Variants in RABGEF1 observed in about 807,000 individuals in gnomAD.
RABGEF1 encodes RAB guanine nucleotide exchange factor 1.
RABGEF1 carries 26 observed loss-of-function variants against 57.3 expected under a neutral mutation model. That is an observed-to-expected ratio of 0.45 (90% CI 0.33 to 0.63). The LOEUF is 0.63. Ranked by LOEUF, RABGEF1 falls within the 20% of genes least tolerant of loss-of-function variation. RABGEF1 has a pLI of 0.02. For missense variants in RABGEF1, 464 were observed against 607.6 expected (o/e 0.76, Z 2.48); for synonymous variants, 185 against 210.7 (o/e 0.88, Z 1.06).
chr7:66,805,079 C>T (rs189348611), intron 7 of RABGEF1, 61 bp from the exon 8 acceptor site: 11 of 1,504,496 alleles, frequency 7.3e-6, no homozygotes, highest in Non-Finnish European at 1.0e-5. Flanking sequence ...ACATGATTTT[C>T]CTATTGCTTC....
chr7:66,796,912 G>T, intron 5 of RABGEF1: 2 of 445,074 alleles, frequency 4.5e-6, no homozygotes, highest in South Asian at 1.6e-5. Context: ...TTTTTTAAGC[G>T]TATTTTTAAA....
intron 2 of RABGEF1, among the ~76,000 whole-genome samples, chr7:66,725,619 G>C (rs1796501255): frequency 1.3e-5 from 2 of 152,216 alleles, no homozygotes; most frequent in South Asian, 4.2e-4. Context: ...TTCCATCCAT[G>C]GCAATTTTAT....
the RABGEF1 span, among the ~76,000 whole-genome samples, chr7:66,657,646 G>T: frequency 6.6e-6 from 1 of 152,022 alleles, no homozygotes; most frequent in Admixed American, 6.6e-5. Context: ...CATGGCAAAA[G>T]CCCATCGCTA....
intron 4 of RABGEF1, among the ~76,000 whole-genome samples, chr7:66,789,991 A>T (rs1294615534): frequency 6.6e-6 from 1 of 152,218 alleles, no homozygotes; most frequent in Admixed American, 6.5e-5. Flanking sequence ...CAAGATACTC[A>T]TGGAAGAAGT....
chr7:66,660,359 A>G, the RABGEF1 span, among the ~76,000 whole-genome samples: 1 of 151,750 alleles, frequency 6.6e-6, no homozygotes, highest in African/African-American at 2.4e-5. Context: ...AAAAAAAAAA[A>G]AAGAAAGAAA....
At chr7:66,733,694 T>C (rs1188403869) in intron 2 of RABGEF1, among the ~76,000 whole-genome samples, 1 of 108,846 alleles carries the variant, frequency 9.2e-6, no homozygotes, top group Non-Finnish European at 2.1e-5. Context: ...TGAGGCTCCA[T>C]CTCAACAAAA....
chr7:66,770,162 G>A (rs1806741250), intron 1 of RABGEF1, among the ~76,000 whole-genome samples: 1 of 152,164 alleles, frequency 6.6e-6, no homozygotes, highest in South Asian at 2.1e-4. Context: ...TGCATCACCA[G>A]TGCCATCTAG....
rs186536007 is a variant in RABGEF1 at position 66,763,546 on chromosome 7, A to G, written c.-17-8337A>G. ...TTTATTGAGGTATAATTCACATACC[A>G]TAGAATTCTCCCTTTTGAAGTGCAC... On this transcript the variant is annotated intron_variant, in intron 1 of 8. Transcript: ENST00000284957. Among the ~76,000 whole-genome samples, 229 of 152,360 alleles carry G rather than the reference A, an allele frequency of 1.5e-3. 1 individual carries two copies. Among genetic ancestry groups the G allele is most frequent in the Middle Eastern group, 3.4e-3 (1 of 294 alleles).
intron 4 of RABGEF1, 39 bp from the exon 5 acceptor site, chr7:66,795,472 T>G (rs776550837): frequency 1.3e-6 from 2 of 1,520,256 alleles, no homozygotes; most frequent in South Asian, 2.2e-5. Context: ...TTCTGCACTT[T>G]GTTCAGCTAC....
chr7:66,721,983 CT>C (rs749920854), intron 2 of RABGEF1, among the ~76,000 whole-genome samples: 15 of 152,156 alleles, frequency 9.9e-5, no homozygotes, highest in Non-Finnish European at 1.6e-4. Context: ...GAGACCCCCC[CT>C]CCGTCTTTTC....
At chr7:66,699,330 G>C (rs1792856868) in intron 1 of RABGEF1, among the ~76,000 whole-genome samples, 1 of 152,180 alleles carries the variant, frequency 6.6e-6, no homozygotes, top group Admixed American at 6.5e-5. Flanking sequence ...TCCTGTCTTT[G>C]CCTTTCACCA....
chr7:66,682,619 C>T (rs1351042137), intron 1 of RABGEF1, among the ~76,000 whole-genome samples: 1 of 152,186 alleles, frequency 6.6e-6, no homozygotes, highest in Non-Finnish European at 1.5e-5. Flanking sequence ...TCCGAAGCAA[C>T]ATCTGTGGTC....
intron 1 of RABGEF1, among the ~76,000 whole-genome samples, chr7:66,703,605 C>G (rs753100736): frequency 1.3e-5 from 2 of 152,108 alleles, no homozygotes; most frequent in East Asian, 1.9e-4. Context: ...AATCAGTTGA[C>G]AATAGATGTA....
In RABGEF1 at chr7:66,810,440, A is replaced by T. The variant is rs1441860802; in HGVS notation, c.*1156A>T. The T allele has an allele frequency of 3.9e-5, 6 of 152,200 alleles. No individual in the cohort carries two copies. Among genetic ancestry groups the T allele is most frequent in the Admixed American group, 3.9e-4 (6 of 15,270 alleles). 9.4% of individuals were successfully genotyped at this position (152,200 alleles called of 1,614,324 possible). ...ACATAGTCAGATGTCTCCTGGGGCC[A>T]TATCACCCCTCCGTTAAGAACCACT... On this transcript the variant is annotated 3_prime_UTR_variant, in exon 9 of 9. Coordinates refer to ENST00000284957, the MANE Select transcript of RABGEF1 (RefSeq NM_014504.3).
intron 2 of RABGEF1, among the ~76,000 whole-genome samples, chr7:66,728,583 T>C (rs1218183649): frequency 2.0e-5 from 3 of 151,928 alleles, no homozygotes; most frequent in African/African-American, 7.3e-5. Flanking sequence ...CCTCCATCCT[T>C]ATCTCCACCT....
At chr7:66,762,653 A>C (rs978847228) in intron 1 of RABGEF1, among the ~76,000 whole-genome samples, 3 of 152,194 alleles carry the variant, frequency 2.0e-5, no homozygotes, top group Non-Finnish European at 2.9e-5. Flanking sequence ...GGTGGCTCAC[A>C]TCTGTAAGAA....
rs373689339 is a variant in RABGEF1 at position 66,775,499 on chromosome 7, A to T, written c.346+106A>T. 9.1e-5 allele frequency: 123 copies of T among 1,353,278 alleles called. No individual in the cohort carries two copies. The East Asian group carries it at 2.2e-3, about 24-fold the overall frequency. The allele number at this position is 1,353,278 out of a possible 1,614,324, so 83.8% of individuals were successfully genotyped here. ...TGTAATTTCTGTCAACTTTTTGAGA[A>T]CATCAGCTCAGATTTGACACTGAAA... is the stretch of plus-strand genomic sequence containing the variant. On this transcript the variant is annotated intron_variant, in intron 3 of 8. Transcript: ENST00000284957.
chr7:66,748,874 C>G (rs1800809913), intron 1 of RABGEF1: 4 of 240,808 alleles, frequency 1.7e-5, no homozygotes, highest in Admixed American at 1.3e-4. Context: ...GTTTCAGCAC[C>G]TTATTGAAAC....
chr7:66,656,186 G>A, the RABGEF1 span, among the ~76,000 whole-genome samples: 2 of 152,104 alleles, frequency 1.3e-5, no homozygotes, highest in Middle Eastern at 3.2e-3. Flanking sequence ...ACACGATCAC[G>A]AGTCACTGAA....
Sources: allele counts gnomAD v4.1 joint callset (sites outside exome capture counted in the v4.1 genomes callset), GRCh38; gene constraint gnomAD v4.1.1; transcripts MANE v1.5; gene names NCBI Gene and HGNC (gene_info 2026-07-23, HGNC 2026-07-21).